Variants in ACVR1C observed in about 807,000 individuals in gnomAD.
ACVR1C encodes the protein activin receptor type-1C.
ACVR1C carries 23 observed loss-of-function variants against 57.9 expected under a neutral mutation model. The ratio of observed to expected loss-of-function variants is 0.40; its 90% confidence interval spans 0.29 to 0.56. The LOEUF (loss-of-function observed/expected upper bound fraction) is 0.56, where lower values mean the gene tolerates loss of function less well. Among genes scored for constraint, ACVR1C ranks in the 20% least tolerant of loss-of-function variants. The probability of loss-of-function intolerance (pLI) is 0.50; values close to 1 mark genes in which losing one functional copy is unlikely to be tolerated. For missense variants in ACVR1C, 480 were observed against 607.9 expected (o/e 0.79, Z 2.21); for synonymous variants, 214 against 215.3 (o/e 0.99, Z 0.05).
rs765521635 is a variant in ACVR1C, at chr2:157,544,202, A to ATT, written c.943+241_943+242dup. 1.0e-3 allele frequency among the ~76,000 whole-genome samples: 120 copies of ATT among 116,916 alleles called. 2 individuals carry two copies. Among genetic ancestry groups the ATT allele is most frequent in the African/African-American group, 3.4e-3 (103 of 30,642 alleles). The allele number at this position is 116,916 out of a possible 152,430, so 76.7% of individuals were successfully genotyped here. ...TAAAGGCATGTGCCACCACAACCAG[A>ATT]TTTTTTTTTTTTTTTTTTTTTTGGT... On this transcript the variant is annotated intron_variant, in intron 5 of 8. Transcript: ENST00000243349.
At chr2:157,554,287 G>GAAAGAAAGGAAA (rs1558975256) in intron 3 of ACVR1C, among the ~76,000 whole-genome samples, 8 of 126,294 alleles carry the variant, frequency 6.3e-5, no homozygotes, top group African/African-American at 2.9e-4. Context: ...AAGGAAGAGA[G>GAAAGAAAGGAAA]AGAGAGAGAG....
rs140886557 is a variant in ACVR1C, at chr2:157,593,699, G to A, written c.74-6282C>T. ...AAGCCAGACAGGGTCAAAGGAAATC[G>A]GGCAAAGATCTAGCTTCCTTTTCTA... On this transcript the variant is annotated intron_variant, in intron 1 of 8. Transcript: ENST00000243349. Among the ~76,000 whole-genome samples the A allele has an allele frequency of 5.3e-3, 809 of 152,174 alleles. 7 individuals are homozygous for A. Among genetic ancestry groups the A allele is most frequent in the African/African-American group, 0.018 (738 of 41,514 alleles).
In ACVR1C at chr2:157,555,179, C is replaced by T. The variant is rs552596682; in HGVS notation, c.544+914G>A. Among the ~76,000 whole-genome samples, 309 of 132,974 alleles carry T rather than the reference C, an allele frequency of 2.3e-3. 1 individual carries two copies. The highest frequency in any genetic ancestry group is 0.014 in the Middle Eastern group (3 of 216). 87.2% of individuals were successfully genotyped at this position (132,974 alleles called of 152,430 possible). A position where few individuals can be genotyped will look rare whatever the true frequency, so the allele number is the denominator to read the frequency against. The stretch of plus-strand genomic sequence containing the variant: ...CAGGCCGGACTGCGGACTGCAGTGG[C>T]GCAATCTCGGCTCACTGCAAGCTCC... On this transcript the variant is annotated intron_variant, in intron 3 of 8. Transcript: ENST00000243349.
chr2:157,584,540 T>G (rs1012389923), intron 2 of ACVR1C, among the ~76,000 whole-genome samples: 1 of 152,144 alleles, frequency 6.6e-6, no homozygotes, highest in Non-Finnish European at 1.5e-5. Flanking sequence ...CACAATAAAA[T>G]ACCAATACAA....
At chr2:157,625,638 C>A (rs1477625198) in intron 1 of ACVR1C, among the ~76,000 whole-genome samples, 1 of 151,938 alleles carries the variant, frequency 6.6e-6, no homozygotes, top group Non-Finnish European at 1.5e-5. Flanking sequence ...GGAAGAATTT[C>A]ATTACTTGAA....
intron 1 of ACVR1C, among the ~76,000 whole-genome samples, chr2:157,610,605 T>A (rs1682510075): frequency 6.6e-6 from 1 of 152,220 alleles, no homozygotes; most frequent in Non-Finnish European, 1.5e-5. Context: ...AAAGTTTTCA[T>A]CTATTATTTC....
chr2:157,535,277 A>T (rs1687454468), intron 8 of ACVR1C, among the ~76,000 whole-genome samples: 1 of 152,146 alleles, frequency 6.6e-6, no homozygotes, highest in African/African-American at 2.4e-5. Context: ...GAAGGAAAAA[A>T]CAAGCCCATG....
At chr2:157,575,079 A>C (rs565444311) in intron 2 of ACVR1C, among the ~76,000 whole-genome samples, 12 of 151,548 alleles carry the variant, frequency 7.9e-5, no homozygotes, top group African/African-American at 2.9e-4. Context: ...CTCCTGCCTC[A>C]GCCTCCCAAG....
chr2:157,580,655 C>T (rs1286284475), intron 2 of ACVR1C, among the ~76,000 whole-genome samples: 2 of 151,758 alleles, frequency 1.3e-5, no homozygotes, highest in East Asian at 1.9e-4. Context: ...ATGAATTGCT[C>T]GACAGCCAAG....
At chr2:157,584,381 G>C (rs1176374480) in intron 2 of ACVR1C, among the ~76,000 whole-genome samples, 19 of 152,104 alleles carry the variant, frequency 1.2e-4, no homozygotes, top group Non-Finnish European at 1.5e-5. Context: ...TGGGATTACA[G>C]TCGTGAGCCA....
chr2:157,572,245 T>A (rs866524803), intron 2 of ACVR1C, among the ~76,000 whole-genome samples: 1 of 135,910 alleles, frequency 7.4e-6, no homozygotes, highest in Non-Finnish European at 1.6e-5. Context: ...AGGGATAGCA[T>A]TGGGAGATAT....
At chr2:157,618,179 T>C (rs143085598) in intron 1 of ACVR1C, among the ~76,000 whole-genome samples, 71 of 151,860 alleles carry the variant, frequency 4.7e-4, no homozygotes, top group Non-Finnish European at 6.6e-4. Context: ...TTACAAAATA[T>C]TTAGAAGTAA....
At chr2:157,596,957 T>C (rs1333294325) in intron 1 of ACVR1C, among the ~76,000 whole-genome samples, 1 of 152,036 alleles carries the variant, frequency 6.6e-6, no homozygotes, top group East Asian at 1.9e-4. Flanking sequence ...GTGAGCTGCG[T>C]TGGGACACAG....
At chr2:157,542,317 T>C (rs1687644072) in intron 6 of ACVR1C, among the ~76,000 whole-genome samples, 1 of 152,178 alleles carries the variant, frequency 6.6e-6, no homozygotes, top group South Asian at 2.1e-4. Context: ...AGAATCTGAG[T>C]ATGTAGAACT....
intron 2 of ACVR1C, among the ~76,000 whole-genome samples, chr2:157,579,968 A>C (rs1266018682): frequency 6.6e-6 from 1 of 151,846 alleles, no homozygotes; most frequent in East Asian, 1.9e-4. Context: ...TCCTCTGTAA[A>C]ATTTGTTTAT....
At chr2:157,542,641 T>C in intron 6 of ACVR1C, 65 bp downstream of exon 6, 3 of 1,537,576 alleles carry the variant, frequency 2.0e-6, no homozygotes, top group Non-Finnish European at 2.6e-6. Context: ...TCCACACACA[T>C]GAGGACATTC....
intron 2 of ACVR1C, among the ~76,000 whole-genome samples, chr2:157,558,249 G>T (rs898944390): frequency 6.6e-6 from 1 of 152,158 alleles, no homozygotes; most frequent in African/African-American, 2.4e-5. Flanking sequence ...GACTATGCTT[G>T]GAAAGCAATA....
At chr2:157,561,385 G>A (rs1688227319) in intron 2 of ACVR1C, among the ~76,000 whole-genome samples, 1 of 152,184 alleles carries the variant, frequency 6.6e-6, no homozygotes, top group African/African-American at 2.4e-5. Context: ...GAATATTGCT[G>A]GAGATGCCTT....
intron 2 of ACVR1C, among the ~76,000 whole-genome samples, chr2:157,572,527 A>T (rs1332592920): frequency 6.6e-6 from 1 of 152,116 alleles, no homozygotes; most frequent in Non-Finnish European, 1.5e-5. Context: ...AATGTCCTAT[A>T]CGTAATAATC....
Sources: gnomAD v4.1 joint callset for allele counts (sites outside exome capture counted in the v4.1 genomes callset) on GRCh38, gnomAD v4.1.1 for gene constraint, MANE v1.5 for transcripts, NCBI Gene and HGNC (gene_info 2026-07-23, HGNC 2026-07-21) for gene names.